Variants in AGBL1 observed in about 807,000 individuals in gnomAD.
AGBL1 encodes AGBL carboxypeptidase 1, also known as cytosolic carboxypeptidase 4.
Under a neutral mutation model 118.9 loss-of-function variants are expected in AGBL1, and 130 were observed. The ratio of observed to expected loss-of-function variants is 1.09; its 90% confidence interval spans 0.95 to 1.26. The LOEUF is 1.26. Ranked by LOEUF, AGBL1 falls within the 50% of genes most tolerant of loss-of-function variation. The pLI, the probability that AGBL1 is intolerant of heterozygous loss-of-function variation, is 0.00. For synonymous variants in AGBL1, 555 were observed against 478.9 expected (o/e 1.16, Z -2.08); for missense variants, 1,584 against 1,298.1 (o/e 1.22, Z -3.38).
intron 6 of AGBL1, among the ~76,000 whole-genome samples, chr15:86,240,884 C>T (rs1472813793): frequency 6.6e-6 from 1 of 152,114 alleles, no homozygotes; most frequent in East Asian, 1.9e-4. Context: ...TCATATATGT[C>T]TTATCAAATG....
intron 7 of AGBL1, among the ~76,000 whole-genome samples, chr15:86,250,200 C>T (rs2078788786): frequency 6.6e-6 from 1 of 152,004 alleles, no homozygotes; most frequent in Admixed American, 6.6e-5. Context: ...TCCTCACCAC[C>T]ACCACTCGCC....
intron 1 of AGBL1, among the ~76,000 whole-genome samples, chr15:86,126,187 C>G (rs190383014): frequency 6.6e-6 from 1 of 152,068 alleles, no homozygotes; most frequent in African/African-American, 2.4e-5. Flanking sequence ...TTTATAACCA[C>G]GCCTGCTGAC....
intron 18 of AGBL1, among the ~76,000 whole-genome samples, chr15:86,446,964 C>T (rs2082128058): frequency 6.6e-6 from 1 of 152,094 alleles, no homozygotes; most frequent in South Asian, 2.1e-4. Flanking sequence ...TGCTTTGATC[C>T]AACAGTCTGG....
chr15:86,941,351 T>C (rs2080749271), intron 23 of AGBL1, among the ~76,000 whole-genome samples: 1 of 152,202 alleles, frequency 6.6e-6, no homozygotes, highest in African/African-American at 2.4e-5. Context: ...ACTTTAACAG[T>C]TATGGTAATA....
chr15:86,086,680 A>G (rs1176646819), intron 1 of AGBL1, among the ~76,000 whole-genome samples: 3 of 152,068 alleles, frequency 2.0e-5, no homozygotes, highest in South Asian at 2.1e-4. Context: ...GAATACATCT[A>G]TGGAGTAACC....
In AGBL1 at chr15:86,728,843, C is replaced by T. The variant is rs376151677; in HGVS notation, c.3158+54407C>T. Among the ~76,000 whole-genome samples the T allele has an allele frequency of 2.6e-4, 40 of 152,228 alleles. 1 individual carries two copies. The South Asian group carries it at 8.1e-3, about 31-fold the overall frequency. ...ATAGATAAAATGGGCCCATTCCACCCATTTTCCAGATGAATCTAACCTGCA... is the reference window on the plus strand; with the variant it reads ...ATAGATAAAATGGGCCCATTCCACCTATTTTCCAGATGAATCTAACCTGCA... On this transcript the variant is annotated intron_variant, in intron 22 of 22. Coordinates refer to ENST00000614907, the MANE Select transcript of AGBL1 (RefSeq NM_001386094.1).
intron 17 of AGBL1, among the ~76,000 whole-genome samples, chr15:86,357,742 T>A (rs2080743187): frequency 6.6e-6 from 1 of 152,120 alleles, no homozygotes; most frequent in Non-Finnish European, 1.5e-5. Context: ...ACTCTGCCAC[T>A]CCTTGTATTT....
intron 5 of AGBL1, among the ~76,000 whole-genome samples, chr15:86,181,745 A>G (rs1004939074): frequency 6.6e-6 from 1 of 152,074 alleles, no homozygotes; most frequent in Non-Finnish European, 1.5e-5. Context: ...GCATAGTAAA[A>G]TCTTTAAAGA....
At chr15:86,754,686 G>A (rs905705140) in intron 22 of AGBL1, among the ~76,000 whole-genome samples, 1 of 152,008 alleles carries the variant, frequency 6.6e-6, no homozygotes, top group East Asian at 1.9e-4. Context: ...CTTCCACTCC[G>A]GTGTTCAATT....
In AGBL1 at chr15:86,224,926, A is replaced by C; in HGVS notation, c.501A>C (p.Glu167Asp). Residue 167 changes from glutamate to aspartate, a missense_variant, in exon 6 of 23, where the codon GAA becomes GAC. By Grantham distance (45) the Glu-to-Asp change is conservative (BLOSUM62 2). Transcript: ENST00000614907. ...KRTQAIRAAT[E>D]VLAALLKSKS... ...TCTCTTTCCCCAGGGCAGCCACTGA[A>C]GTTTTGGCAGCATTGCTGAAATCCA... is the stretch of plus-strand genomic sequence containing the variant. 1 of 1,613,224 alleles carries C rather than the reference A, an allele frequency of 6.2e-7. No individual in the cohort carries two copies.
intron 22 of AGBL1, among the ~76,000 whole-genome samples, chr15:86,851,146 T>G (rs1212931487): frequency 1.3e-5 from 2 of 152,166 alleles, no homozygotes; most frequent in African/African-American, 4.8e-5. Flanking sequence ...TCTAAGTGCT[T>G]TCCTGATAGC....
intron 22 of AGBL1, among the ~76,000 whole-genome samples, chr15:86,699,387 A>G (rs1319876534): frequency 6.6e-6 from 1 of 152,118 alleles, no homozygotes; most frequent in Admixed American, 6.6e-5. Flanking sequence ...CAATGTACAA[A>G]TCTTACTGAA....
At position 86,286,735 on chromosome 15, in the gene AGBL1, G is replaced by GTGTATA; in HGVS notation, c.2220+6953_2220+6954insGTATAT. Among the ~76,000 whole-genome samples the GTGTATA allele has an allele frequency of 4.7e-5, 5 of 106,252 alleles. 1 individual carries two copies. Among genetic ancestry groups the GTGTATA allele is most frequent in the African/African-American group, 7.8e-5 (2 of 25,730 alleles). 69.7% of individuals were successfully genotyped at this position (106,252 alleles called of 152,430 possible). On this transcript the variant is annotated intron_variant, in intron 16 of 22. Transcript: ENST00000614907. ...TATATGTGTGTGTGTGTTTGTGTGT[G>GTGTATA]TATATATATATATAAAACTCCATCA...
chr15:86,119,452 G>A (rs1373431948), intron 1 of AGBL1, among the ~76,000 whole-genome samples: 1 of 151,972 alleles, frequency 6.6e-6, no homozygotes, highest in Non-Finnish European at 1.5e-5. Flanking sequence ...CGGTTGCTGA[G>A]TTCAGCAGGA....
intron 22 of AGBL1, among the ~76,000 whole-genome samples, chr15:86,795,132 A>G (rs1715821796): frequency 6.6e-6 from 1 of 152,238 alleles, no homozygotes. Flanking sequence ...TCTGAGGGCT[A>G]CAAGGCCCAG....
chr15:86,352,240 A>G (rs1400142106), intron 17 of AGBL1, among the ~76,000 whole-genome samples: 1 of 152,188 alleles, frequency 6.6e-6, no homozygotes, highest in African/African-American at 2.4e-5. Context: ...AGAAGGGCTT[A>G]ATACTCTGAG....
chr15:86,754,763 C>T (rs116013974), intron 22 of AGBL1, among the ~76,000 whole-genome samples: 378 of 152,134 alleles, frequency 2.5e-3, no homozygotes, highest in Middle Eastern at 0.024. Flanking sequence ...TCTTTATTCC[C>T]ATCCTTTTAT....
chr15:86,336,662 A>T (rs1312624437), intron 17 of AGBL1, among the ~76,000 whole-genome samples: 1 of 152,186 alleles, frequency 6.6e-6, no homozygotes, highest in Non-Finnish European at 1.5e-5. Flanking sequence ...CTGATCCATA[A>T]TTTATACCAA....
At chr15:86,587,356 A>G (rs1274497163) in intron 21 of AGBL1, among the ~76,000 whole-genome samples, 1 of 152,174 alleles carries the variant, frequency 6.6e-6, no homozygotes, top group Non-Finnish European at 1.5e-5. Context: ...ATGCAGTACT[A>G]AGCAATTGTG....
Sources: allele counts gnomAD v4.1 joint callset (sites outside exome capture counted in the v4.1 genomes callset), GRCh38; gene constraint gnomAD v4.1.1; transcripts MANE v1.5; gene names NCBI Gene and HGNC (gene_info 2026-07-23, HGNC 2026-07-21).